ABL1: variants seen among roughly 807,000 people sequenced by gnomAD.
ABL1 encodes the protein ABL proto-oncogene 1, non-receptor tyrosine kinase.
A neutral mutation model predicts 94.7 loss-of-function variants in ABL1; 11 were observed. That is an observed-to-expected ratio of 0.12 (90% CI 0.07 to 0.19). The LOEUF (loss-of-function observed/expected upper bound fraction) is 0.19, where lower values mean the gene tolerates loss of function less well. Ranked by LOEUF, ABL1 falls within the 10% of genes least tolerant of loss-of-function variation. The pLI is 1.00. For missense variants in ABL1, 1,082 were observed against 1,489.4 expected (o/e 0.73, Z 4.50); for synonymous variants, 656 against 622.4 (o/e 1.05, Z -0.80).
intron 1 of ABL1, among the ~76,000 whole-genome samples, chr9:130,842,829 G>A (rs376563066): frequency 1.3e-5 from 2 of 152,202 alleles, no homozygotes; most frequent in South Asian, 2.1e-4. Flanking sequence ...CTGGATCTGC[G>A]GCCACTGCAG....
At chr9:130,801,318 C>T (rs941336005) in intron 1 of ABL1, among the ~76,000 whole-genome samples, 40 of 151,920 alleles carry the variant, frequency 2.6e-4, no homozygotes, top group African/African-American at 9.4e-4. Context: ...ACCTCCACCT[C>T]CTGGGTTCAA....
chr9:130,729,587 G>A (rs1831635110), intron 1 of ABL1, among the ~76,000 whole-genome samples: 1 of 152,122 alleles, frequency 6.6e-6, no homozygotes, highest in Non-Finnish European at 1.5e-5. Flanking sequence ...TTCCTCAAGG[G>A]TCACAGCCTT....
chr9:130,869,285 G>A (rs7848941), intron 4 of ABL1, among the ~76,000 whole-genome samples: 40,982 of 152,140 alleles, frequency 0.27, 8,959 homozygotes, highest in African/African-American at 0.6. Context: ...CTATCTGTTC[G>A]GTCTACTCAG....
At chr9:130,725,826 T>TTTTTTTTTTG (rs1564269461) in intron 1 of ABL1, among the ~76,000 whole-genome samples, 1 of 70,892 alleles carries the variant, frequency 1.4e-5, no homozygotes, top group Non-Finnish European at 2.4e-5. Context: ...GTATGGTGGT[T>TTTTTTTTTTG]TTTTTTTTTT....
intron 1 of ABL1, among the ~76,000 whole-genome samples, chr9:130,803,467 A>C (rs769508909): frequency 6.6e-6 from 1 of 152,248 alleles, no homozygotes; most frequent in Non-Finnish European, 1.5e-5. Context: ...CCTAAGACAC[A>C]AAATTGTTAA....
intron 1 of ABL1, among the ~76,000 whole-genome samples, chr9:130,718,423 A>G (rs527337172): frequency 6.6e-6 from 1 of 152,052 alleles, no homozygotes; most frequent in Admixed American, 6.6e-5. Context: ...GGGAGAAAAC[A>G]GTTATTTTCC....
At chr9:130,803,121 C>T (rs1414979204) in intron 1 of ABL1, among the ~76,000 whole-genome samples, 1 of 152,164 alleles carries the variant, frequency 6.6e-6, no homozygotes, top group Non-Finnish European at 1.5e-5. Context: ...CTCACTGCAA[C>T]CCCTACCTCC....
intron 1 of ABL1, among the ~76,000 whole-genome samples, chr9:130,761,203 G>A (rs1437592399): frequency 2.6e-5 from 4 of 152,114 alleles, no homozygotes; most frequent in East Asian, 1.9e-4. Flanking sequence ...TCCTGACCTC[G>A]TGATCCACCC....
At chr9:130,858,185 A>G (rs1831005889) in intron 3 of ABL1, among the ~76,000 whole-genome samples, 1 of 151,568 alleles carries the variant, frequency 6.6e-6, no homozygotes, top group African/African-American at 2.4e-5. Flanking sequence ...GGCAGGCATG[A>G]TCTAGTGTGA....
At chr9:130,808,238 CTTCTTCTTCTT>C (rs1224393384) in intron 1 of ABL1, among the ~76,000 whole-genome samples, 4 of 137,668 alleles carry the variant, frequency 2.9e-5, no homozygotes, top group Non-Finnish European at 6.3e-5. Flanking sequence ...TCTTCTTCTT[CTTCTTCTTCTT>C]TTTTTTTTTT....
At chr9:130,824,383 A>G (rs1830400255) in intron 1 of ABL1, among the ~76,000 whole-genome samples, 1 of 152,188 alleles carries the variant, frequency 6.6e-6, no homozygotes, top group African/African-American at 2.4e-5. Flanking sequence ...CAGGCCCTCA[A>G]CGGACTGGAG....
chr9:130,727,751 G>GTC (rs1490319353), intron 1 of ABL1, among the ~76,000 whole-genome samples: 18 of 88,210 alleles, frequency 2.0e-4, no homozygotes, highest in African/African-American at 1.2e-3. Flanking sequence ...GTGAGACACC[G>GTC]CCCCCCCCCC....
chr9:130,871,559 T>G (rs1042624857), intron 4 of ABL1, among the ~76,000 whole-genome samples: 21 of 152,226 alleles, frequency 1.4e-4, no homozygotes, highest in Non-Finnish European at 3.1e-4. Flanking sequence ...GATGACTGCT[T>G]CATTAAGAGC....
At chr9:130,717,668 A>G (rs1831460884) in intron 1 of ABL1, among the ~76,000 whole-genome samples, 1 of 151,922 alleles carries the variant, frequency 6.6e-6, no homozygotes, top group Non-Finnish European at 1.5e-5. Flanking sequence ...GTAAAAAAAA[A>G]AAAAAATACA....
intron 4 of ABL1, among the ~76,000 whole-genome samples, chr9:130,866,571 G>A (rs529367108): frequency 1.3e-5 from 2 of 152,230 alleles, no homozygotes; most frequent in African/African-American, 4.8e-5. Context: ...GGGGGAGCAA[G>A]GGCCTACTTT....
Position 130,854,946 on chromosome 9 carries a change from C to T in ABL1, c.399C>T (p.Ser133=), listed in dbSNP as rs2132958163. 1 of 1,614,190 alleles carries T rather than the reference C, an allele frequency of 6.2e-7. No individual in the cohort carries two copies. Among genetic ancestry groups the T allele is most frequent in the Non-Finnish European group, 8.5e-7 (1 of 1,180,026 alleles). Reference sequence around the variant, plus strand: ...ACTCCTGGTACCATGGGCCTGTGTCCCGCAATGCCGCTGAGTATCTGCTGA... The same window carrying T: ...ACTCCTGGTACCATGGGCCTGTGTCTCGCAATGCCGCTGAGTATCTGCTGA... ...EKHSWYHGPV[S]RNAAEYLLSS... Residue 133 remains serine (S), a synonymous_variant, in exon 3 of 11, where the codon TCC becomes TCT. Transcript: ENST00000318560.
chr9:130,847,714 T>C (rs1011338992), intron 1 of ABL1, among the ~76,000 whole-genome samples: 2 of 152,210 alleles, frequency 1.3e-5, no homozygotes, highest in African/African-American at 4.8e-5. Flanking sequence ...ATTTGTGGAA[T>C]AGAGCAAGAA....
intron 1 of ABL1, among the ~76,000 whole-genome samples, chr9:130,836,684 G>C (rs1310489709): frequency 6.6e-6 from 1 of 152,014 alleles, no homozygotes; most frequent in Non-Finnish European, 1.5e-5. Flanking sequence ...AATTAGCCGG[G>C]CGTGGTGGTA....
chr9:130,800,266 A>C (rs1830037795), intron 1 of ABL1, among the ~76,000 whole-genome samples: 1 of 152,158 alleles, frequency 6.6e-6, no homozygotes, highest in South Asian at 2.1e-4. Context: ...GGTATTATTT[A>C]CATATAATAT....
Sources: gnomAD v4.1 joint callset for allele counts (sites outside exome capture counted in the v4.1 genomes callset) on GRCh38, gnomAD v4.1.1 for gene constraint, MANE v1.5 for transcripts, NCBI Gene and HGNC (gene_info 2026-07-23, HGNC 2026-07-21) for gene names.